The following WDR25 variants were observed in gnomAD, a reference collection of about 807,000 sequenced individuals.
WDR25 encodes WD repeat-containing protein 25.
In WDR25, 35 loss-of-function variants were observed where a neutral mutation model predicts 47.7. That is an observed-to-expected ratio of 0.73 (90% CI 0.56 to 0.97). WDR25 has a LOEUF of 0.97. WDR25 is among the 50% of genes least tolerant of loss of function. WDR25 has a pLI of 0.00. For missense variants in WDR25, 634 were observed against 704.7 expected (o/e 0.90, Z 1.14); for synonymous variants, 248 against 278.9 (o/e 0.89, Z 1.10).
intron 2 of WDR25, among the ~76,000 whole-genome samples, chr14:100,443,853 T>C (rs562102973): frequency 3.9e-5 from 6 of 152,342 alleles, no homozygotes; most frequent in South Asian, 4.1e-4. Context: ...TAATAATTGC[T>C]GTCGTTTAGT....
rs1431524044 is a variant in WDR25, at chr14:100,449,074, AC to A, written c.823-18946del. Among the ~76,000 whole-genome samples, 1 of 152,146 alleles carries A rather than the reference AC, an allele frequency of 6.6e-6. No homozygotes were observed. Among genetic ancestry groups the A allele is most frequent in the Non-Finnish European group, 1.5e-5 (1 of 68,026 alleles). On this transcript the variant is annotated intron_variant, in intron 2 of 6. Coordinates refer to ENST00000402312, the MANE Select transcript of WDR25 (RefSeq NM_001161476.3). This position sits in a 1 kb window ranked among gnomAD's most constrained non-coding sequence, Gnocchi z 4.2. ...GTGAGTGGGGCCTCCGGAGTCAGCC[AC>A]TGACTTTCCCACTGTAGCTGTTTAC...
At chr14:100,394,993 A>G (rs890097285) in intron 2 of WDR25, among the ~76,000 whole-genome samples, 4 of 151,942 alleles carry the variant, frequency 2.6e-5, no homozygotes, top group Non-Finnish European at 5.9e-5. Context: ...AATGAAATCG[A>G]TGAGGGGCAG....
chr14:100,397,068 C>T (rs1897275591), intron 2 of WDR25, among the ~76,000 whole-genome samples: 1 of 152,248 alleles, frequency 6.6e-6, no homozygotes, highest in African/African-American at 2.4e-5. Context: ...CCCTCATGCC[C>T]TTGGCTCTGT....
At chr14:100,518,033 AT>A (rs1284177037) in intron 4 of WDR25, among the ~76,000 whole-genome samples, 3 of 152,144 alleles carry the variant, frequency 2.0e-5, no homozygotes, top group Admixed American at 6.5e-5. Context: ...TGAAAAAATG[AT>A]TTTTTATATC....
At position 100,529,805 on chromosome 14, in the gene WDR25, T is replaced by C; in HGVS notation, c.1414-15T>C. ...ACAGGTGCGGCTTGCTCACCCACTG[T>C]GTCCCTCTCTGCAGGTGGAGGGCTA... On this transcript the variant is annotated splice_polypyrimidine_tract_variant and intron_variant, in intron 6 of 6. Transcript: ENST00000402312. This position sits in a 1 kb window ranked among gnomAD's most constrained non-coding sequence, Gnocchi z 5.1. The C allele has an allele frequency of 1.2e-6, 2 of 1,609,332 alleles. No individual in the cohort carries two copies. Among genetic ancestry groups the C allele is most frequent in the South Asian group, 2.2e-5 (2 of 90,810 alleles).
intron 2 of WDR25, among the ~76,000 whole-genome samples, chr14:100,411,706 T>C: frequency 6.6e-6 from 1 of 152,170 alleles, no homozygotes; most frequent in East Asian, 1.9e-4. Context: ...CCAGCAAATT[T>C]TTGTATTTTT....
intron 2 of WDR25, among the ~76,000 whole-genome samples, chr14:100,409,964 G>A (rs1169992552): frequency 2.6e-5 from 4 of 152,126 alleles, no homozygotes; most frequent in African/African-American, 9.7e-5. Context: ...CATTGGTTTT[G>A]TTGATAATAA....
intron 4 of WDR25, among the ~76,000 whole-genome samples, chr14:100,509,774 T>C (rs969901816): frequency 2.0e-5 from 3 of 152,180 alleles, no homozygotes; most frequent in Non-Finnish European, 2.9e-5. Flanking sequence ...CTGTGATCTA[T>C]TTAGTATTAA....
chr14:100,421,813 G>T (rs1228409163), intron 2 of WDR25, among the ~76,000 whole-genome samples: 1 of 152,024 alleles, frequency 6.6e-6, no homozygotes, highest in African/African-American at 2.4e-5. Context: ...TACACTCTGT[G>T]GTTTTTTGCA....
At chr14:100,454,605 G>T (rs1356134785) in intron 2 of WDR25, 4 of 471,934 alleles carry the variant, frequency 8.5e-6, no homozygotes, top group Non-Finnish European at 1.6e-5. Context: ...CTCCAAAGAA[G>T]GAAATGGTAC....
At position 100,411,960 on chromosome 14, in the gene WDR25, A is replaced by T. The variant is rs80249150; in HGVS notation, c.822+30214A>T. On this transcript the variant is annotated intron_variant, in intron 2 of 6. Transcript: ENST00000402312. ...GTTGAAACCTCAGCTAGCAGTCTGC[A>T]TGTTGTCTAGCAGATATTGCTGTTT... 2.5e-4 allele frequency among the ~76,000 whole-genome samples: 38 copies of T among 152,354 alleles called. No individual in the cohort carries two copies. The East Asian group carries it at 7.1e-3, about 29-fold the overall frequency.
At chr14:100,403,796 C>G (rs1052085590) in intron 2 of WDR25, among the ~76,000 whole-genome samples, 1 of 152,166 alleles carries the variant, frequency 6.6e-6, no homozygotes, top group African/African-American at 2.4e-5. Context: ...GCCCACTCTT[C>G]TAATTGAAAT....
At chr14:100,441,862 A>G (rs930572391) in intron 2 of WDR25, among the ~76,000 whole-genome samples, 9 of 152,208 alleles carry the variant, frequency 5.9e-5, no homozygotes, top group African/African-American at 2.2e-4. Flanking sequence ...CACCTACTGC[A>G]TGCCAAGCGC....
rs1048288602 is a variant in WDR25, at chr14:100,424,706, T to G, written c.822+42960T>G. On this transcript the variant is annotated intron_variant, in intron 2 of 6. Coordinates refer to ENST00000402312, the MANE Select transcript of WDR25 (RefSeq NM_001161476.3). This position sits in a 1 kb window ranked among gnomAD's most constrained non-coding sequence, Gnocchi z 4.2. The stretch of plus-strand genomic sequence containing the variant: ...GTGTCTTGGTTTCCTAGAATCTTGG[T>G]GCGATTCGGTGGTTAGGCTGATCTC... Among the ~76,000 whole-genome samples the G allele has an allele frequency of 4.6e-5, 7 of 152,140 alleles. No individual in the cohort carries two copies. Among genetic ancestry groups the G allele is most frequent in the Admixed American group, 4.6e-4 (7 of 15,284 alleles).
In WDR25 at chr14:100,525,763, CA is replaced by C; in HGVS notation, c.1102-106del. 1 of 1,340,022 alleles carries C rather than the reference CA, an allele frequency of 7.5e-7. No individual in the cohort carries two copies. The highest frequency in any genetic ancestry group is 1.0e-6 in the Non-Finnish European group (1 of 986,152). The allele number at this position is 1,340,022 out of a possible 1,614,324, so 83.0% of individuals were successfully genotyped here. A position where few individuals can be genotyped will look rare whatever the true frequency, so the allele number is the denominator to read the frequency against. On this transcript the variant is annotated intron_variant, in intron 4 of 6. Transcript: ENST00000402312. The surrounding 1 kb of genome is among the most constrained non-coding windows in gnomAD (Gnocchi z 4.6). Reference sequence around the variant, plus strand: ...CTCAGCCTGGGTGTGTGTGGCCCAGCATAAACTTCACTAAACCTGCCTGCCC... The same window carrying C: ...CTCAGCCTGGGTGTGTGTGGCCCAGCTAAACTTCACTAAACCTGCCTGCCC...
rs2030427751 is a variant in WDR25 at position 100,530,285 on chromosome 14, T to C, written c.*244T>C. ...CCCAATAAATGTGTGTTTTGCTGTTTGTTAAGTGATTTCAGCAACAAGTGT... is the reference window on the plus strand; with the variant it reads ...CCCAATAAATGTGTGTTTTGCTGTTCGTTAAGTGATTTCAGCAACAAGTGT... On this transcript the variant is annotated 3_prime_UTR_variant, in exon 7 of 7. Transcript: ENST00000402312. The C allele has an allele frequency of 1.9e-6, 1 of 540,074 alleles. No homozygotes were observed. The highest frequency in any genetic ancestry group is 2.4e-5 in the South Asian group (1 of 41,434). The allele number at this position is 540,074 out of a possible 1,614,324, so 33.5% of individuals were successfully genotyped here.
chr14:100,458,508 C>G (rs1282359715), intron 2 of WDR25, among the ~76,000 whole-genome samples: 1 of 152,068 alleles, frequency 6.6e-6, no homozygotes, highest in Non-Finnish European at 1.5e-5. Flanking sequence ...ATCAAGTAGA[C>G]AGAAAATCAG....
At chr14:100,419,710 A>G (rs964108022) in intron 2 of WDR25, among the ~76,000 whole-genome samples, 3 of 152,208 alleles carry the variant, frequency 2.0e-5, no homozygotes, top group Non-Finnish European at 2.9e-5. Context: ...TTTTTATAGC[A>G]GAGAAAGATC....
chr14:100,457,381 A>C (rs1165414687), intron 2 of WDR25, among the ~76,000 whole-genome samples: 2 of 152,268 alleles, frequency 1.3e-5, no homozygotes, highest in Non-Finnish European at 2.9e-5. Context: ...AAATACTGCC[A>C]GAAGACAGTG....
Sources: gnomAD v4.1 joint callset for allele counts (sites outside exome capture counted in the v4.1 genomes callset) on GRCh38, gnomAD v4.1.1 for gene constraint, Gnocchi (gnomAD v3.1) non-coding constraint, MANE v1.5 for transcripts, NCBI Gene and HGNC (gene_info 2026-07-23, HGNC 2026-07-21) for gene names.